The following USP2 variants were observed in gnomAD, a reference collection of about 807,000 sequenced individuals.
USP2 encodes the protein ubiquitin specific peptidase 2, also known as ubiquitin carboxyl-terminal hydrolase 2.
In USP2, 33 loss-of-function variants were observed where a neutral mutation model predicts 72.0. The observed-to-expected ratio is 0.46, with a 90% CI of 0.35 to 0.61. The LOEUF is 0.61. USP2 is among the 20% of genes least tolerant of loss of function. The pLI is 0.01. For missense variants in USP2, 691 were observed against 797.8 expected (o/e 0.87, Z 1.61); for synonymous variants, 296 against 312.5 (o/e 0.95, Z 0.56).
Position 119,373,322 on chromosome 11 carries a change from C to A in USP2, c.159G>T (p.Pro53=). 1 of 1,613,320 alleles carries A rather than the reference C, an allele frequency of 6.2e-7. No individual in the cohort carries two copies. The highest frequency in any genetic ancestry group is 1.1e-5 in the South Asian group (1 of 91,090). The change falls in exon 2 of 13, where the codon CCG becomes CCT. Residue 53 remains proline, a synonymous_variant. Transcript: ENST00000260187. ...GGGTGAGGAAGCTGCTGGTGGGGAC[C>A]GGCTTGAAACCAAGTTTCTCCTTCT... The part of the protein sequence containing the change: ...LLEKEKLGFK[P]VPTSSFLTRP...
rs537754781 is a variant in USP2, at chr11:119,378,993, G to A, written c.-42+2480C>T. The A allele has an allele frequency of 2.0e-5, 20 of 985,416 alleles. 2 individuals are homozygous for A. Among genetic ancestry groups the A allele is most frequent in the Middle Eastern group, 5.2e-4 (1 of 1,914 alleles). 61.0% of individuals were successfully genotyped at this position (985,416 alleles called of 1,614,324 possible). A position where few individuals can be genotyped will look rare whatever the true frequency, so the allele number is the denominator to read the frequency against. ...TCCCAGAGAAGCTCAGATACCAAAG[G>A]GGCAGCTACTGACCTGTGTCCAGGG... On this transcript the variant is annotated intron_variant, in intron 1 of 12. Coordinates refer to ENST00000260187, the MANE Select transcript of USP2 (RefSeq NM_004205.5).
Position 119,358,227 on chromosome 11 carries a change from G to A in USP2, c.1263C>T (p.Ser421=). 11 of 1,613,490 alleles carry A rather than the reference G, an allele frequency of 6.8e-6. No homozygotes were observed. Among genetic ancestry groups the A allele is most frequent in the Non-Finnish European group, 9.3e-6 (11 of 1,180,034 alleles). The change falls in exon 8 of 13, where the codon AGC becomes AGT. Residue 421 remains serine, a synonymous_variant. Coordinates refer to ENST00000260187, the MANE Select transcript of USP2 (RefSeq NM_004205.5). ...AACCACAATCTGTACACGTCAGCGA[G>A]CTCTTTAGCTGCCCAACAAAGAGAT... ...IGDLFVGQLK[S]SLTCTDCGYC... is the part of the protein sequence containing the mutation.
intron 2 of USP2, among the ~76,000 whole-genome samples, chr11:119,363,484 A>AC (rs1950796658): frequency 6.6e-6 from 1 of 151,572 alleles, no homozygotes; most frequent in Non-Finnish European, 1.5e-5. Flanking sequence ...TCGGAGGAGT[A>AC]CCCCGGCACG....
chr11:119,378,812 G>A (rs1057031419), intron 1 of USP2, among the ~76,000 whole-genome samples: 2 of 152,148 alleles, frequency 1.3e-5, no homozygotes, highest in East Asian at 1.9e-4. Flanking sequence ...CAAGGGGAGA[G>A]CCCCGGTCTC....
chr11:119,365,898 GTT>G (rs59501313), intron 2 of USP2, among the ~76,000 whole-genome samples: 52 of 140,854 alleles, frequency 3.7e-4, no homozygotes, highest in East Asian at 2.9e-3. Context: ...TATTTGTTTT[GTT>G]TTTTTTTTTT....
In USP2 at chr11:119,372,871, G is replaced by T; in HGVS notation, c.610C>A (p.Arg204Ser). 1 of 1,608,112 alleles carries T rather than the reference G, an allele frequency of 6.2e-7. No homozygotes were observed. The highest frequency in any genetic ancestry group is 8.5e-7 in the Non-Finnish European group (1 of 1,177,726). The change falls in exon 2 of 13, where the codon CGC (arginine) becomes AGC (serine). Residue 204 changes from arginine to serine, a missense_variant. Arg to Ser is a moderately radical substitution (Grantham distance 110, BLOSUM62 -1). Coordinates refer to ENST00000260187, the MANE Select transcript of USP2 (RefSeq NM_004205.5). ...YLVDYLENYG[R>S]KGSASQVPSQ... Reference sequence around the variant, plus strand: ...GGCACCTGAGATGCACTGCCCTTGCGACCATAGTTCTCCAGGTAGTCGACC... The same window carrying T: ...GGCACCTGAGATGCACTGCCCTTGCTACCATAGTTCTCCAGGTAGTCGACC...
intron 2 of USP2, among the ~76,000 whole-genome samples, chr11:119,371,959 C>T (rs1203807478): frequency 6.6e-6 from 1 of 152,146 alleles, no homozygotes; most frequent in Non-Finnish European, 1.5e-5. Context: ...CTAATAACTA[C>T]AGAAAAGGCA....
Position 119,359,272 on chromosome 11 carries a change from C to G in USP2, c.1020G>C (p.Lys340Asn), listed in dbSNP as rs1479735831. 1 of 1,613,872 alleles carries G rather than the reference C, an allele frequency of 6.2e-7. No individual in the cohort carries two copies. The highest frequency in any genetic ancestry group is 1.3e-5 in the African/African-American group (1 of 74,872). ...GCGGTGCGTATCTCTGGATCTGGGT[C>G]TTGAACTCAGATGGGCTCACCACAT... Reference protein sequence around the residue: ...PNDVVSPSEFKTQIQRYAPRF... With the variant: ...PNDVVSPSEFNTQIQRYAPRF... The change falls in exon 5 of 13, where the codon AAG becomes AAC. Residue 340 changes from lysine (K) to asparagine (N), a missense_variant. Physicochemically the swap from Lys to Asn is moderately conservative, Grantham distance 94. Coordinates refer to ENST00000260187, the MANE Select transcript of USP2 (RefSeq NM_004205.5).
rs1950656348 is a variant in USP2, at chr11:119,356,625, G to C, written c.*210C>G. 1.4e-5 allele frequency: 8 copies of C among 560,652 alleles called. No individual in the cohort carries two copies. Among genetic ancestry groups the C allele is most frequent in the Non-Finnish European group, 3.1e-6 (1 of 322,836 alleles). 34.7% of individuals were successfully genotyped at this position (560,652 alleles called of 1,614,324 possible). On this transcript the variant is annotated 3_prime_UTR_variant, in exon 13 of 13. Transcript: ENST00000260187. ...GGGGCGATGCTGGCTCCACGTCCAG[G>C]CGATCTTCCCTGCCGGGCCACAGCT...
Position 119,380,567 on chromosome 11 carries a change from G to T in USP2, c.-42+906C>A, listed in dbSNP as rs140096716. Among the ~76,000 whole-genome samples the T allele has an allele frequency of 4.5e-3, 683 of 152,260 alleles. 4 individuals are homozygous for T. The highest frequency in any genetic ancestry group is 6.9e-3 in the Admixed American group (105 of 15,300). On this transcript the variant is annotated intron_variant, in intron 1 of 12. Transcript: ENST00000260187. Reference sequence around the variant, plus strand: ...TGGTGCACTTGTCTGCTCCCAGGACGTTTCTCGATGGCTCTCCCCGAGGAC... The same window carrying T: ...TGGTGCACTTGTCTGCTCCCAGGACTTTTCTCGATGGCTCTCCCCGAGGAC...
intron 12 of USP2, 120 bp from the exon 13 acceptor site, chr11:119,357,042 G>T (rs1950669615): frequency 1.4e-6 from 2 of 1,414,304 alleles, no homozygotes; most frequent in East Asian, 5.1e-5. Flanking sequence ...CACGGGCAGC[G>T]GCTTCGTGGC....
chr11:119,377,531 G>A (rs908920299), intron 1 of USP2, among the ~76,000 whole-genome samples: 2 of 152,192 alleles, frequency 1.3e-5, no homozygotes, highest in African/African-American at 2.4e-5. Flanking sequence ...GATAGGCCGA[G>A]AGATGGTCCA....
chr11:119,358,141 G>GT lies in USP2; in HGVS notation c.1341+7dup. 6.2e-7 allele frequency: 1 copy of GT among 1,614,110 alleles called. No homozygotes were observed. The highest frequency in any genetic ancestry group is 8.5e-7 in the Non-Finnish European group (1 of 1,179,978). ...GAGTTCAACAAGGCGGGCAACTGGGGTGCATACCTTAGCAATGGGCAGTGA... is the reference window on the plus strand; with the variant it reads ...GAGTTCAACAAGGCGGGCAACTGGGGTTGCATACCTTAGCAATGGGCAGTGA... On this transcript the variant is annotated splice_region_variant and intron_variant, in intron 8 of 12. Coordinates refer to ENST00000260187, the MANE Select transcript of USP2 (RefSeq NM_004205.5).
rs1950656443 is a variant in USP2, at chr11:119,356,627, G to A, written c.*208C>T. ...GGCGATGCTGGCTCCACGTCCAGGC[G>A]ATCTTCCCTGCCGGGCCACAGCTCA... is the stretch of plus-strand genomic sequence containing the variant. On this transcript the variant is annotated 3_prime_UTR_variant, in exon 13 of 13. Transcript: ENST00000260187. 1.8e-6 allele frequency: 1 copy of A among 560,706 alleles called. No homozygotes were observed. The highest frequency in any genetic ancestry group is 3.1e-6 in the Non-Finnish European group (1 of 323,350). 34.7% of individuals were successfully genotyped at this position (560,706 alleles called of 1,614,324 possible). A position where few individuals can be genotyped will look rare whatever the true frequency, so the allele number is the denominator to read the frequency against.
In USP2 at chr11:119,381,487, A is replaced by T. The variant is rs746746290; in HGVS notation, c.-56T>A. 1 of 1,536,104 alleles carries T rather than the reference A, an allele frequency of 6.5e-7. No individual in the cohort carries two copies. Among genetic ancestry groups the T allele is most frequent in the South Asian group, 1.2e-5 (1 of 84,064 alleles). ...GTGGCACGTACCTGCCTCTTCTTGG[A>T]GTATGGACGAGTCGAACCGGGCACA... On this transcript the variant is annotated 5_prime_UTR_variant, in exon 1 of 13. Coordinates refer to ENST00000260187, the MANE Select transcript of USP2 (RefSeq NM_004205.5).
chr11:119,356,954 G>T, intron 12 of USP2, 32 bp from the exon 13 acceptor site: 6 of 1,547,548 alleles, frequency 3.9e-6, no homozygotes, highest in Non-Finnish European at 5.2e-6. Context: ...AGCCCGGAGC[G>T]GGCAGGACCG....
chr11:119,367,019 C>T (rs2135399958), intron 2 of USP2, among the ~76,000 whole-genome samples: 1 of 152,290 alleles, frequency 6.6e-6, no homozygotes, highest in East Asian at 1.9e-4. Context: ...TCAAGCAGGT[C>T]CGACTGCTGC....
At position 119,373,322 on chromosome 11, in the gene USP2, C is replaced by G. The variant is rs758727570; in HGVS notation, c.159G>C (p.Pro53=). Residue 53 remains proline, a synonymous_variant, in exon 2 of 13, where the codon CCG becomes CCC. Transcript: ENST00000260187. ...LLEKEKLGFK[P]VPTSSFLTRP... ...GGGTGAGGAAGCTGCTGGTGGGGAC[C>G]GGCTTGAAACCAAGTTTCTCCTTCT... 2 of 1,613,320 alleles carry G rather than the reference C, an allele frequency of 1.2e-6. No homozygotes were observed. The highest frequency in any genetic ancestry group is 3.3e-5 in the Admixed American group (2 of 60,014).
chr11:119,360,666 C>T (rs1027799399), intron 2 of USP2, among the ~76,000 whole-genome samples: 9 of 152,138 alleles, frequency 5.9e-5, no homozygotes, highest in Non-Finnish European at 1.5e-5. Flanking sequence ...CTCAGGTGAT[C>T]CACCTGCCTC....
Sources: allele counts gnomAD v4.1 joint callset (sites outside exome capture counted in the v4.1 genomes callset), GRCh38; gene constraint gnomAD v4.1.1; transcripts MANE v1.5; gene names NCBI Gene and HGNC (gene_info 2026-07-23, HGNC 2026-07-21).